The following SUMO2 variants were observed in gnomAD, a reference collection of about 807,000 sequenced individuals.
SUMO2 encodes small ubiquitin like modifier 2, also known as small ubiquitin-related modifier 2.
A neutral mutation model predicts 16.0 loss-of-function variants in SUMO2; 1 was observed. That is an observed-to-expected ratio of 0.06 (90% CI 0.02 to 0.30). The LOEUF (loss-of-function observed/expected upper bound fraction) is 0.30. SUMO2 is among the 10% of genes least tolerant of loss of function. The pLI is 1.00. For synonymous variants in SUMO2, 36 were observed against 40.6 expected, an observed-to-expected ratio of 0.89 and a Z score of 0.43; for missense variants, 16 against 117.5, an observed-to-expected ratio of 0.14 and a Z score of 3.99.
At chr17:75,182,764 G>C (rs764658658) in intron 1 of SUMO2, 50 bp downstream of exon 1, 2 of 1,289,970 alleles carry the variant, frequency 1.6e-6, no homozygotes, top group South Asian at 5.0e-5. Flanking sequence ...CCCGGCCCGC[G>C]CCATGACCCC....
intron 2 of SUMO2, among the ~76,000 whole-genome samples, chr17:75,176,184 C>T (rs1338691202): frequency 6.6e-5 from 10 of 152,050 alleles, no homozygotes; most frequent in African/African-American, 2.4e-4. Flanking sequence ...GGACTACAGG[C>T]TCATGCCACC....
chr17:75,182,698 G>C (rs1342597147), intron 1 of SUMO2, 116 bp downstream of exon 1: 2 of 885,558 alleles, frequency 2.3e-6, no homozygotes, highest in Non-Finnish European at 3.0e-6. Context: ...AGCCGCGGCC[G>C]GCCCCGTGGG....
chr17:75,171,069 T>TTAA (rs397772052), intron 3 of SUMO2, among the ~76,000 whole-genome samples: 1 of 141,544 alleles, frequency 7.1e-6, no homozygotes, highest in Non-Finnish European at 1.6e-5. Context: ...AAGGGGCAGT[T>TTAA]AAAAAAAAAA....
chr17:75,182,070 A>T (rs2074833307), intron 1 of SUMO2, among the ~76,000 whole-genome samples: 2 of 152,080 alleles, frequency 1.3e-5, no homozygotes, highest in Non-Finnish European at 2.9e-5. Flanking sequence ...GTGCCTCAAA[A>T]GCCGCGTTCA....
In SUMO2 at chr17:75,182,883, G is replaced by C. The variant is rs11548468; in HGVS notation, c.-49C>G. On this transcript the variant is annotated 5_prime_UTR_variant, in exon 1 of 4. Coordinates refer to ENST00000420826, the MANE Select transcript of SUMO2 (RefSeq NM_006937.4). ...CTGCCGCTTCACAAAAGAGGTACCA[G>C]GTCCGCACCAAACGAGCACACAAGC... 2 of 1,341,022 alleles carry C rather than the reference G, an allele frequency of 1.5e-6. No individual in the cohort carries two copies. The highest frequency in any genetic ancestry group is 1.9e-6 in the Non-Finnish European group (2 of 1,037,710). The allele number at this position is 1,341,022 out of a possible 1,614,324, so 83.1% of individuals were successfully genotyped here.
chr17:75,168,977 C>T (rs1023553856), intron 3 of SUMO2, among the ~76,000 whole-genome samples: 3 of 150,398 alleles, frequency 2.0e-5, no homozygotes, highest in African/African-American at 7.4e-5. Flanking sequence ...CCCAGTACTA[C>T]TGGAGGCCAA....
intron 2 of SUMO2, among the ~76,000 whole-genome samples, chr17:75,175,450 A>G (rs2074774811): frequency 6.6e-6 from 1 of 150,684 alleles, no homozygotes; most frequent in Non-Finnish European, 1.5e-5. Flanking sequence ...CCTCCTGATT[A>G]GCTGGGACTA....
At chr17:75,169,763 C>T (rs756427540) in intron 3 of SUMO2, among the ~76,000 whole-genome samples, 33 of 149,354 alleles carry the variant, frequency 2.2e-4, no homozygotes, top group Non-Finnish European at 4.3e-4. Flanking sequence ...GCAGGAGAAT[C>T]GCTTGAACCC....
chr17:75,171,665 A>C (rs975509784), intron 3 of SUMO2, among the ~76,000 whole-genome samples: 20 of 152,178 alleles, frequency 1.3e-4, no homozygotes, highest in Admixed American at 4.6e-4. Context: ...ATGAATTGCA[A>C]ATTCAACCTG....
In SUMO2 at chr17:75,173,464, A is replaced by G. The variant is rs1440417107; in HGVS notation, c.225+1288T>C. On this transcript the variant is annotated intron_variant, in intron 3 of 3. Coordinates refer to ENST00000420826, the MANE Select transcript of SUMO2 (RefSeq NM_006937.4). Reference sequence around the variant, plus strand: ...CAGGTGTGAGCCACCAAGTCAGGACAAGACTGGAAGTCATTTTTTTTTTTT... The same window carrying G: ...CAGGTGTGAGCCACCAAGTCAGGACGAGACTGGAAGTCATTTTTTTTTTTT... Among the ~76,000 whole-genome samples, 6 of 151,194 alleles carry G rather than the reference A, an allele frequency of 4.0e-5. No individual in the cohort carries two copies. In the South Asian group the frequency reaches 1.3e-3, roughly 32 times the overall value.
Position 75,181,165 on chromosome 17 carries a change from G to A in SUMO2, c.45C>T (p.Asn15=), listed in dbSNP as rs749365427. ...KPKEGVKTEN[N]DHINLKVAGQ... is the part of the protein sequence containing the mutation. ...CCGCCACCTTCAAATTAATATGATC[G>A]TTGTTCTCAGTCTTGACTCCTTCCT... The change falls in exon 2 of 4, where the codon AAC becomes AAT. Residue 15 remains asparagine, a synonymous_variant. Transcript: ENST00000420826. The A allele has an allele frequency of 4.2e-5, 67 of 1,613,748 alleles. No individual in the cohort carries two copies. In the East Asian group the frequency reaches 1.3e-3, roughly 32 times the overall value.
chr17:75,180,171 G>A (rs2074815550), intron 2 of SUMO2, among the ~76,000 whole-genome samples: 1 of 150,356 alleles, frequency 6.7e-6, no homozygotes, highest in South Asian at 2.1e-4. Flanking sequence ...AAAATTAGCC[G>A]GGCGTGGTGG....
intron 2 of SUMO2, among the ~76,000 whole-genome samples, chr17:75,179,302 G>A (rs1311392537): frequency 1.3e-5 from 2 of 152,184 alleles, no homozygotes; most frequent in East Asian, 3.8e-4. Context: ...GATGAGGCAG[G>A]TGGATCACCT....
At chr17:75,171,394 A>G (rs1174202891) in intron 3 of SUMO2, among the ~76,000 whole-genome samples, 3 of 151,332 alleles carry the variant, frequency 2.0e-5, no homozygotes, top group African/African-American at 7.3e-5. Context: ...GGCGCCTGTA[A>G]TCCCAGCTAC....
intron 2 of SUMO2, among the ~76,000 whole-genome samples, chr17:75,179,011 C>T (rs1204553713): frequency 2.0e-5 from 3 of 152,164 alleles, no homozygotes; most frequent in East Asian, 3.8e-4. Context: ...ACTGGTCTTC[C>T]AGCCTTGGCC....
At chr17:75,172,666 G>A (rs1386321981) in intron 3 of SUMO2, among the ~76,000 whole-genome samples, 1 of 151,688 alleles carries the variant, frequency 6.6e-6, no homozygotes, top group Non-Finnish European at 1.5e-5. Flanking sequence ...GTAGAGACGG[G>A]GTTTCTCCAT....
At position 75,178,080 on chromosome 17, in the gene SUMO2, C is replaced by G. The variant is rs542574690; in HGVS notation, c.153+2977G>C. 8.0e-5 allele frequency among the ~76,000 whole-genome samples: 12 copies of G among 150,866 alleles called. No homozygotes were observed. The East Asian group carries it at 2.1e-3, about 27-fold the overall frequency. ...GCCTGAGGTGGGAGGACTGCTTGAG[C>G]CTGGGAGGCAGAGGATGCAGTGAGC... On this transcript the variant is annotated intron_variant, in intron 2 of 3. Coordinates refer to ENST00000420826, the MANE Select transcript of SUMO2 (RefSeq NM_006937.4).
At chr17:75,168,701 C>A (rs2074712030) in intron 3 of SUMO2, among the ~76,000 whole-genome samples, 1 of 152,010 alleles carries the variant, frequency 6.6e-6, no homozygotes. Flanking sequence ...CCCTCAGGTT[C>A]AAGCAATTCT....
In SUMO2 at chr17:75,176,800, TAC is replaced by T. The variant is rs375104640; in HGVS notation, c.154-1979_154-1978del. On this transcript the variant is annotated intron_variant, in intron 2 of 3. Transcript: ENST00000420826. ...ATATAGGAACCTAGACTGTTTTAGT[TAC>T]ACAGTCTATCCCTTGCACATAGTAG... Among the ~76,000 whole-genome samples the T allele has an allele frequency of 2.9e-3, 436 of 152,276 alleles. 2 individuals are homozygous for T. Among genetic ancestry groups the T allele is most frequent in the African/African-American group, 9.8e-3 (408 of 41,566 alleles).
Sources: gnomAD v4.1 joint callset for allele counts (sites outside exome capture counted in the v4.1 genomes callset) on GRCh38, gnomAD v4.1.1 for gene constraint, MANE v1.5 for transcripts, NCBI Gene and HGNC (gene_info 2026-07-23, HGNC 2026-07-21) for gene names.